Variants in BRINP3 observed in about 807,000 individuals in gnomAD.
BRINP3 encodes the protein BMP/retinoic acid-inducible neural-specific protein 3.
Under a neutral mutation model 71.0 loss-of-function variants are expected in BRINP3, and 19 were observed. The observed-to-expected ratio is 0.27, with a 90% CI of 0.19 to 0.39. The LOEUF (loss-of-function observed/expected upper bound fraction) is 0.39. BRINP3 is among the 10% of genes least tolerant of loss of function. The pLI, the probability that BRINP3 is intolerant of heterozygous loss-of-function variation, is 1.00. For synonymous variants in BRINP3, 380 were observed against 337.7 expected, an observed-to-expected ratio of 1.13 and a Z score of -1.37; for missense variants, 959 against 940.8, an observed-to-expected ratio of 1.02 and a Z score of -0.25.
intron 1 of BRINP3, among the ~76,000 whole-genome samples, chr1:190,467,936 G>A (rs1676869914): frequency 6.6e-6 from 1 of 151,398 alleles, no homozygotes; most frequent in African/African-American, 2.4e-5. Flanking sequence ...ATCTGACATA[G>A]AGAGACTATT....
chr1:190,237,846 A>T (rs1658674483), intron 4 of BRINP3, among the ~76,000 whole-genome samples: 1 of 152,196 alleles, frequency 6.6e-6, no homozygotes, highest in East Asian at 1.9e-4. Flanking sequence ...TAGCTCTTTT[A>T]CAATAGAGTT....
intron 6 of BRINP3, among the ~76,000 whole-genome samples, chr1:190,169,903 C>CT (rs1558031469): frequency 6.6e-6 from 1 of 151,974 alleles, no homozygotes; most frequent in Non-Finnish European, 1.5e-5. Context: ...TACAGCAGTC[C>CT]TAGGAGGTGG....
chr1:190,249,374 G>A (rs1659908774), intron 4 of BRINP3, among the ~76,000 whole-genome samples: 1 of 151,518 alleles, frequency 6.6e-6, no homozygotes, highest in African/African-American at 2.4e-5. Flanking sequence ...ATTATTTCTA[G>A]CAATTACAGG....
intron 2 of BRINP3, among the ~76,000 whole-genome samples, chr1:190,359,284 C>T (rs904952544): frequency 3.3e-5 from 5 of 151,958 alleles, no homozygotes; most frequent in African/African-American, 7.2e-5. Context: ...GTATTTATTT[C>T]CCTTGGTGGT....
intron 6 of BRINP3, among the ~76,000 whole-genome samples, chr1:190,225,747 A>G (rs1657307479): frequency 6.6e-6 from 1 of 152,006 alleles, no homozygotes; most frequent in African/African-American, 2.4e-5. Context: ...TTGCTGCACA[A>G]GAGAAAAGCA....
At chr1:190,397,925 T>C (rs541851266) in intron 2 of BRINP3, among the ~76,000 whole-genome samples, 2 of 152,052 alleles carry the variant, frequency 1.3e-5, no homozygotes, top group South Asian at 2.1e-4. Context: ...AGAAAATATA[T>C]ATGTGAAACT....
At chr1:190,331,741 A>G (rs897545183) in intron 2 of BRINP3, among the ~76,000 whole-genome samples, 10 of 152,056 alleles carry the variant, frequency 6.6e-5, no homozygotes, top group Admixed American at 5.9e-4. Context: ...TCACCTACAC[A>G]GTTCCAATGC....
intron 6 of BRINP3, among the ~76,000 whole-genome samples, 160 bp from the exon 7 acceptor site, chr1:190,161,050 A>C (rs1657312451): frequency 6.6e-6 from 1 of 152,284 alleles, no homozygotes; most frequent in Non-Finnish European, 1.5e-5. Context: ...AATTAATAGA[A>C]GATGGGGTTT....
intron 7 of BRINP3, among the ~76,000 whole-genome samples, chr1:190,143,929 G>A (rs1400285018): frequency 6.6e-6 from 1 of 152,050 alleles, no homozygotes; most frequent in Non-Finnish European, 1.5e-5. Context: ...CAAATAATAT[G>A]ATCAATAAAA....
chr1:190,248,190 G>A (rs566651218), intron 4 of BRINP3, among the ~76,000 whole-genome samples: 8 of 151,610 alleles, frequency 5.3e-5, no homozygotes, highest in African/African-American at 9.7e-5. Context: ...TATTAGATTC[G>A]TGCAAACGTA....
At chr1:190,190,803 A>G (rs1007972943) in intron 6 of BRINP3, among the ~76,000 whole-genome samples, 7 of 152,130 alleles carry the variant, frequency 4.6e-5, no homozygotes, top group African/African-American at 1.7e-4. Flanking sequence ...ATACCTATAT[A>G]TTTATAAAAT....
intron 6 of BRINP3, among the ~76,000 whole-genome samples, chr1:190,180,398 T>C (rs142386986): frequency 6.6e-6 from 1 of 152,224 alleles, no homozygotes; most frequent in African/African-American, 2.4e-5. Flanking sequence ...TGAAACTGAG[T>C]GTGAGCTACA....
intron 7 of BRINP3, among the ~76,000 whole-genome samples, chr1:190,121,301 T>C (rs1653630506): frequency 6.6e-6 from 1 of 152,036 alleles, no homozygotes; most frequent in Non-Finnish European, 1.5e-5. Flanking sequence ...AAATAAAATA[T>C]TAATATTAGA....
intron 2 of BRINP3, among the ~76,000 whole-genome samples, chr1:190,324,330 A>T (rs2103059982): frequency 6.6e-6 from 1 of 152,038 alleles, no homozygotes; most frequent in East Asian, 1.9e-4. Flanking sequence ...TTGGAGATTG[A>T]GATCACACAT....
intron 5 of BRINP3, 85 bp from the exon 6 acceptor site, chr1:190,226,403 G>C: frequency 4.2e-6 from 3 of 707,938 alleles, no homozygotes; most frequent in African/African-American, 1.8e-5. Context: ...AATCAAAACA[G>C]TAAATAATTT....
intron 2 of BRINP3, among the ~76,000 whole-genome samples, chr1:190,447,195 A>G (rs1290950867): frequency 6.6e-6 from 1 of 151,258 alleles, no homozygotes; most frequent in South Asian, 2.1e-4. Flanking sequence ...CACTAATTAC[A>G]TAATGAAAAT....
intron 2 of BRINP3, among the ~76,000 whole-genome samples, chr1:190,372,761 A>G (rs1243338863): frequency 1.3e-5 from 2 of 152,218 alleles, no homozygotes; most frequent in African/African-American, 4.8e-5. Context: ...TGTAAAGAAC[A>G]GATAATAGTA....
chr1:190,138,631 G>T (rs778164296), intron 7 of BRINP3, among the ~76,000 whole-genome samples: 2 of 152,060 alleles, frequency 1.3e-5, no homozygotes, highest in Non-Finnish European at 2.9e-5. Flanking sequence ...ATAATTGAAC[G>T]CTGTGAAACT....
chr1:190,155,189 T>A (rs1382084694), intron 7 of BRINP3, among the ~76,000 whole-genome samples: 1 of 152,150 alleles, frequency 6.6e-6, no homozygotes, highest in Non-Finnish European at 1.5e-5. Context: ...ATATAATGAA[T>A]AGGTAGACTT....
Sources: allele counts gnomAD v4.1 joint callset (sites outside exome capture counted in the v4.1 genomes callset), GRCh38; gene constraint gnomAD v4.1.1; transcripts MANE v1.5; gene names NCBI Gene and HGNC (gene_info 2026-07-23, HGNC 2026-07-21).